Variants in CD163 observed in about 807,000 individuals in gnomAD.
CD163 encodes CD163 molecule, also known as scavenger receptor cysteine-rich type 1 protein M130.
CD163 carries 64 observed loss-of-function variants against 129.2 expected under a neutral mutation model. The observed-to-expected ratio is 0.50, with a 90% CI of 0.41 to 0.61. The LOEUF is 0.61. Among genes scored for constraint, CD163 ranks in the 20% least tolerant of loss-of-function variants. CD163 has a pLI of 0.00. For missense variants in CD163, 1,061 were observed against 1,377.9 expected, an observed-to-expected ratio of 0.77 and a Z score of 3.64; for synonymous variants, 446 against 478.5, an observed-to-expected ratio of 0.93 and a Z score of 0.89.
intron 16 of CD163, among the ~76,000 whole-genome samples, chr12:7,474,384 C>A (rs1949055457): frequency 6.6e-6 from 1 of 152,130 alleles, no homozygotes; most frequent in Non-Finnish European, 1.5e-5. Context: ...GTCTCTCAAA[C>A]CACAGTGCAA....
chr12:7,483,202 A>T, intron 12 of CD163, 165 bp downstream of exon 12: 1 of 773,376 alleles, frequency 1.3e-6, no homozygotes, highest in Non-Finnish European at 2.1e-6. Context: ...AGGCCGTTGT[A>T]TAACAATTGT....
Position 7,501,422 on chromosome 12 carries a change from G to A in CD163, c.174C>T (p.Asn58=). The A allele has an allele frequency of 1.2e-6, 2 of 1,613,892 alleles. No homozygotes were observed. The highest frequency in any genetic ancestry group is 1.1e-5 in the South Asian group (1 of 91,078). The part of the protein sequence containing the change: ...DKELRLVDGE[N]KCSGRVEVKV... Reference sequence around the variant, plus strand: ...TCACTTCCACTCTCCCGCTACACTTGTTTTCACCATCCACTAGCCTCAGCT... The same window carrying A: ...TCACTTCCACTCTCCCGCTACACTTATTTTCACCATCCACTAGCCTCAGCT... Residue 58 remains asparagine (N), a synonymous_variant, in exon 3 of 17, where the codon AAC becomes AAT. Transcript: ENST00000432237.
intron 1 of CD163, chr12:7,502,769 G>A (rs1313421896): frequency 4.9e-6 from 3 of 617,878 alleles, no homozygotes; most frequent in Admixed American, 2.9e-5. Flanking sequence ...ATGTTTATAG[G>A]CAACCTAGAG....
intron 11 of CD163, 168 bp from the exon 12 acceptor site, chr12:7,483,843 T>TATATATATATATATATATA (rs1259483569): frequency 1.0e-4 from 4 of 38,400 alleles, no homozygotes; most frequent in African/African-American, 3.4e-4. Flanking sequence ...ATATATATAT[T>TATATATATATATATATATA]TTTTTTTTTT....
rs149279227 is a variant in CD163, at chr12:7,501,210, T to C, written c.386A>G (p.Asp129Gly). Reference sequence around the variant, plus strand: ...CTTTCCCCATCCATCATGTTTGCAATCCCAAAGAGCTGACTCATTCCCACG... The same window carrying C: ...CTTTCCCCATCCATCATGTTTGCAACCCCAAAGAGCTGACTCATTCCCACG... ...SCRGNESALW[D>G]CKHDGWGKHS... The change falls in exon 3 of 17, where the codon GAT (aspartate) becomes GGT (glycine). Residue 129 changes from aspartate (D) to glycine (G), a missense_variant. Coordinates refer to ENST00000432237, the MANE Select transcript of CD163 (RefSeq NM_203416.4). 127 of 1,614,090 alleles carry C rather than the reference T, an allele frequency of 7.9e-5. No individual in the cohort carries two copies. The highest frequency in any genetic ancestry group is 1.0e-4 in the Non-Finnish European group (121 of 1,180,044).
chr12:7,498,323 T>G (rs767123757), intron 4 of CD163, among the ~76,000 whole-genome samples: 1 of 152,180 alleles, frequency 6.6e-6, no homozygotes, highest in Admixed American at 6.6e-5. Context: ...CCGCCCCCAG[T>G]CTGAGTATAC....
In CD163 at chr12:7,485,052, G is replaced by T; in HGVS notation, c.2779+44C>A. On this transcript the variant is annotated intron_variant, in intron 11 of 16. Transcript: ENST00000432237. This position sits in a 1 kb window ranked among gnomAD's most constrained non-coding sequence, Gnocchi z 4.5. Reference sequence around the variant, plus strand: ...GTGTCCATTATCAGAAGATGATAGCGGGGCTGCAGAATGGAATTTTCATAT... The same window carrying T: ...GTGTCCATTATCAGAAGATGATAGCTGGGCTGCAGAATGGAATTTTCATAT... The T allele has an allele frequency of 6.8e-7, 1 of 1,476,036 alleles. No homozygotes were observed. The allele number at this position is 1,476,036 out of a possible 1,614,324, so 91.4% of individuals were successfully genotyped here.
intron 6 of CD163, among the ~76,000 whole-genome samples, chr12:7,489,780 C>T (rs1348303437): frequency 2.6e-5 from 4 of 152,044 alleles, no homozygotes; most frequent in African/African-American, 7.2e-5. Flanking sequence ...TCCCTAATTT[C>T]GTCCAGCTAT....
In CD163 at chr12:7,482,801, T is replaced by A. The variant is rs1335580542; in HGVS notation, c.3128-39A>T. On this transcript the variant is annotated intron_variant, in intron 13 of 16. Transcript: ENST00000432237. The stretch of plus-strand genomic sequence containing the variant: ...AATATCAAGAGATATGATCATGTCT[T>A]ATCGAAAAGATCAAGGTCCCTAGTT... The A allele has an allele frequency of 1.9e-6, 3 of 1,610,120 alleles. No individual in the cohort carries two copies. The East Asian group carries it at 6.7e-5, about 36-fold the overall frequency.
chr12:7,475,535 A>G (rs555249101), intron 16 of CD163, among the ~76,000 whole-genome samples: 25 of 152,332 alleles, frequency 1.6e-4, no homozygotes, highest in Non-Finnish European at 2.4e-4. Context: ...ATAAAATTCA[A>G]CAGTGCTTCA....
rs200768993 is a variant in CD163 at position 7,482,626 on chromosome 12, C to T, written c.3247+17G>A. On this transcript the variant is annotated intron_variant, in intron 14 of 16. Transcript: ENST00000432237. ...TTATCCTGTAGACATATTAGATAAA[C>T]CAAATTTGGCTCAAACCTGCAAGCC... 3 of 1,613,652 alleles carry T rather than the reference C, an allele frequency of 1.9e-6. No individual in the cohort carries two copies. The highest frequency in any genetic ancestry group is 3.3e-5 in the Admixed American group (2 of 59,960).
chr12:7,482,551 T>C, intron 14 of CD163, 92 bp downstream of exon 14: 1 of 1,404,100 alleles, frequency 7.1e-7, no homozygotes, highest in Non-Finnish European at 9.8e-7. Context: ...AGAGTCCATC[T>C]TTCTGGCCAT....
intron 10 of CD163, 151 bp downstream of exon 10, chr12:7,486,348 A>C: frequency 1.5e-6 from 1 of 689,056 alleles, no homozygotes; most frequent in Non-Finnish European, 2.4e-6. Flanking sequence ...TACCACTAGC[A>C]CATCAAACCC....
chr12:7,498,083 T>C (rs1949426438), intron 4 of CD163, among the ~76,000 whole-genome samples: 1 of 151,944 alleles, frequency 6.6e-6, no homozygotes. Context: ...GAGCCAGTAT[T>C]CTCTTCTTTT....
intron 16 of CD163, among the ~76,000 whole-genome samples, chr12:7,479,285 G>A (rs1455227374): frequency 2.0e-5 from 3 of 152,048 alleles, no homozygotes; most frequent in Non-Finnish European, 4.4e-5. Context: ...AGTGCTCACG[G>A]TGCCACTTGT....
chr12:7,476,591 A>G (rs1317282892), intron 16 of CD163, among the ~76,000 whole-genome samples: 1 of 152,238 alleles, frequency 6.6e-6, no homozygotes, highest in Non-Finnish European at 1.5e-5. Flanking sequence ...TTAACTCAAG[A>G]TGGATTAAAG....
intron 3 of CD163, 82 bp downstream of exon 3, chr12:7,501,057 C>A (rs2136745826): frequency 8.3e-7 from 1 of 1,200,470 alleles, no homozygotes; most frequent in Middle Eastern, 2.0e-4. Flanking sequence ...AGGAAAGTGG[C>A]TTATTCTAGG....
At chr12:7,483,083 C>G (rs1949185890) in intron 12 of CD163, 79 bp from the exon 13 acceptor site, 2 of 1,375,444 alleles carry the variant, frequency 1.5e-6, no homozygotes. Context: ...TTGTCTGACC[C>G]CTTAGTACCT....
rs143720177 is a variant in CD163, at chr12:7,485,121, C to T, written c.2754G>A (p.Ser918=). Residue 918 remains serine, a synonymous_variant, in exon 11 of 17, where the codon TCG becomes TCA. Transcript: ENST00000432237. The surrounding 1 kb of genome is among the most constrained non-coding windows in gnomAD (Gnocchi z 4.5). ...SPWEKRLASP[S]EETWITCDNK... ...TGTCACATGTGATCCAGGTCTCCTC[C>T]GAGGGGCTGGCCAGTCTCTTCTCCC... 2.5e-5 allele frequency: 40 copies of T among 1,610,072 alleles called. No individual in the cohort carries two copies. The highest frequency in any genetic ancestry group is 1.6e-4 in the Middle Eastern group (1 of 6,066).
Sources: allele counts gnomAD v4.1 joint callset (sites outside exome capture counted in the v4.1 genomes callset), GRCh38; gene constraint gnomAD v4.1.1; non-coding constraint Gnocchi (gnomAD v3.1); transcripts MANE v1.5; gene names NCBI Gene and HGNC (gene_info 2026-07-23, HGNC 2026-07-21).